The following EFCAB12 variants were observed in gnomAD, a reference collection of about 807,000 sequenced individuals.
EFCAB12 encodes EF-hand calcium-binding domain-containing protein 12.
A neutral mutation model predicts 53.6 loss-of-function variants in EFCAB12; 43 were observed. That is an observed-to-expected ratio of 0.80 (90% CI 0.63 to 1.03). The LOEUF (loss-of-function observed/expected upper bound fraction) is 1.03. Among genes scored for constraint, EFCAB12 ranks in the 50% least tolerant of loss-of-function variants. The pLI, the probability that EFCAB12 is intolerant of heterozygous loss-of-function variation, is 0.00. For missense variants in EFCAB12, 646 were observed against 730.6 expected (o/e 0.88, Z 1.34); for synonymous variants, 269 against 289.2 (o/e 0.93, Z 0.71).
In EFCAB12 at chr3:129,401,888, C is replaced by A. The variant is rs1234080306; in HGVS notation, c.1461-37G>T. 1.9e-6 allele frequency: 3 copies of A among 1,595,166 alleles called. No homozygotes were observed. In the East Asian group the frequency reaches 6.7e-5, roughly 36 times the overall value. On this transcript the variant is annotated intron_variant, in intron 8 of 8. Transcript: ENST00000505956. ...GAAGACACAGGGATGGTTGTCATGG[C>A]AGACAGGCCAGAGCTGAGGCTTCAT...
chr3:129,417,478 T>C (rs535537441), intron 3 of EFCAB12, among the ~76,000 whole-genome samples: 12 of 151,774 alleles, frequency 7.9e-5, no homozygotes, highest in Non-Finnish European at 1.5e-4. Flanking sequence ...AAAGCAGCCA[T>C]AGACAATTCA....
At chr3:129,411,093 C>A in intron 5 of EFCAB12, 65 bp downstream of exon 5, 2 of 1,508,190 alleles carry the variant, frequency 1.3e-6, no homozygotes, top group South Asian at 1.2e-5. Flanking sequence ...GGTGCTGCTG[C>A]GGTGATCTGA....
intron 1 of EFCAB12, among the ~76,000 whole-genome samples, chr3:129,426,365 T>G (rs1418455203): frequency 1.5e-3 from 183 of 124,290 alleles, no homozygotes; most frequent in South Asian, 8.5e-3. Context: ...TTTTGTTTTT[T>G]TTTTTTTTTT....
chr3:129,409,483 T>G (rs1372338626), intron 5 of EFCAB12, among the ~76,000 whole-genome samples: 1 of 152,000 alleles, frequency 6.6e-6, no homozygotes, highest in Non-Finnish European at 1.5e-5. Context: ...AAAGTGACAT[T>G]TAAATTAGGA....
rs1185614755 is a variant in EFCAB12 at position 129,415,208 on chromosome 3, G to A, written c.838+37C>T. 10 of 1,551,194 alleles carry A rather than the reference G, an allele frequency of 6.4e-6. No homozygotes were observed. The Admixed American group carries it at 7.9e-5, about 12-fold the overall frequency. On this transcript the variant is annotated intron_variant, in intron 4 of 8. Coordinates refer to ENST00000505956, the MANE Select transcript of EFCAB12 (RefSeq NM_207307.3). Reference sequence around the variant, plus strand: ...CCTGCACCATGCTTGCTCCCAGGACGGGGAGGTGGAGGCACAGGATGGGGA... The same window carrying A: ...CCTGCACCATGCTTGCTCCCAGGACAGGGAGGTGGAGGCACAGGATGGGGA...
chr3:129,427,861 C>T (rs1218539267), intron 1 of EFCAB12, among the ~76,000 whole-genome samples: 1 of 152,206 alleles, frequency 6.6e-6, no homozygotes, highest in African/African-American at 2.4e-5. Context: ...AGACACCAGA[C>T]CTCTTGGGTC....
chr3:129,422,212 C>A (rs2072198197), intron 1 of EFCAB12, among the ~76,000 whole-genome samples: 1 of 152,180 alleles, frequency 6.6e-6, no homozygotes, highest in Non-Finnish European at 1.5e-5. Flanking sequence ...CTTGAGCAAA[C>A]CACCTAACTT....
At chr3:129,410,318 A>ATTT (rs11321465) in intron 5 of EFCAB12, among the ~76,000 whole-genome samples, 53 of 144,154 alleles carry the variant, frequency 3.7e-4, no homozygotes, top group African/African-American at 1.3e-3. Context: ...CCTGTATATA[A>ATTT]TTTTTTTTTT....
At chr3:129,426,359 G>GTTTTT (rs71620055) in intron 1 of EFCAB12, among the ~76,000 whole-genome samples, 54 of 87,810 alleles carry the variant, frequency 6.1e-4, no homozygotes, top group African/African-American at 6.8e-4. Context: ...GTTTTTTTTT[G>GTTTTT]TTTTTTTTTT....
intron 3 of EFCAB12, among the ~76,000 whole-genome samples, chr3:129,416,640 A>C (rs1389408252): frequency 6.6e-6 from 1 of 152,086 alleles, no homozygotes; most frequent in Non-Finnish European, 1.5e-5. Context: ...TGTTTAAGGT[A>C]TTTGTTGTCG....
intron 1 of EFCAB12, among the ~76,000 whole-genome samples, 196 bp from the exon 2 acceptor site, chr3:129,421,999 A>G (rs58032014): frequency 0.038 from 5,802 of 152,286 alleles, 168 homozygotes; most frequent in Middle Eastern, 0.11. Flanking sequence ...GCAGCAAGCT[A>G]AGGGCTCTAT....
intron 4 of EFCAB12, 59 bp from the exon 5 acceptor site, chr3:129,411,413 A>G: frequency 6.7e-7 from 1 of 1,501,912 alleles, no homozygotes; most frequent in Non-Finnish European, 8.9e-7. Context: ...CAGCCACGGA[A>G]CCTGCCAAGC....
intron 1 of EFCAB12, among the ~76,000 whole-genome samples, chr3:129,426,329 C>CA (rs2072269901): frequency 6.6e-6 from 1 of 151,262 alleles, no homozygotes; most frequent in African/African-American, 2.4e-5. Flanking sequence ...TAAAACATCT[C>CA]CACTTGGATG....
intron 1 of EFCAB12, 135 bp downstream of exon 1, chr3:129,428,305 C>T: frequency 8.2e-7 from 1 of 1,214,010 alleles, no homozygotes; most frequent in Non-Finnish European, 1.2e-6. Flanking sequence ...ACATGACCTG[C>T]CCCCGACTCC....
intron 1 of EFCAB12, among the ~76,000 whole-genome samples, chr3:129,426,653 G>A (rs776451183): frequency 6.7e-6 from 1 of 149,312 alleles, no homozygotes; most frequent in South Asian, 2.1e-4. Context: ...CGTGAGCCAC[G>A]GCGCCCGGCC....
chr3:129,421,033 C>T (rs2072180888), intron 2 of EFCAB12, among the ~76,000 whole-genome samples: 1 of 152,252 alleles, frequency 6.6e-6, no homozygotes, highest in Non-Finnish European at 1.5e-5. Flanking sequence ...TCCTTTTGCC[C>T]CAGTCAAGCC....
chr3:129,418,205 G>A (rs773900054), intron 3 of EFCAB12, 49 bp downstream of exon 3: 1 of 1,532,752 alleles, frequency 6.5e-7, no homozygotes, highest in Non-Finnish European at 8.8e-7. Context: ...GGGAGTACAT[G>A]TACATCCTGC....
intron 7 of EFCAB12, 28 bp downstream of exon 7, chr3:129,404,222 C>T (rs544960708): frequency 6.2e-7 from 1 of 1,602,592 alleles, no homozygotes; most frequent in South Asian, 1.1e-5. Context: ...GAGGCCAAGG[C>T]AGGGAGAAAG....
chr3:129,408,608 T>C (rs1450403029), intron 6 of EFCAB12, 37 bp downstream of exon 6: 1 of 1,549,684 alleles, frequency 6.5e-7, no homozygotes, highest in Admixed American at 2.0e-5. Flanking sequence ...TGGGGTTCCC[T>C]TGGCATCTTC....
Sources: allele counts gnomAD v4.1 joint callset (sites outside exome capture counted in the v4.1 genomes callset), GRCh38; gene constraint gnomAD v4.1.1; transcripts MANE v1.5; gene names NCBI Gene and HGNC (gene_info 2026-07-23, HGNC 2026-07-21).